CCDC138: variants seen among roughly 807,000 people sequenced by gnomAD.
The protein encoded by CCDC138 is coiled-coil domain containing 138.
A neutral mutation model predicts 82.3 loss-of-function variants in CCDC138; 66 were observed. The observed-to-expected ratio is 0.80, with a 90% CI of 0.66 to 0.98. The LOEUF is 0.98. Among genes scored for constraint, CCDC138 ranks in the 50% least tolerant of loss-of-function variants. CCDC138 has a pLI of 0.00. For missense variants in CCDC138, 816 were observed against 758.9 expected, an observed-to-expected ratio of 1.08 and a Z score of -0.88; for synonymous variants, 297 against 265.4, an observed-to-expected ratio of 1.12 and a Z score of -1.16.
At chr2:108,835,161 A>G (rs1045410676) in intron 10 of CCDC138, among the ~76,000 whole-genome samples, 3 of 152,210 alleles carry the variant, frequency 2.0e-5, no homozygotes, top group Admixed American at 6.5e-5. Context: ...GCAGCTTAAC[A>G]TTATGATTCA....
chr2:108,873,346 TA>T, intron 13 of CCDC138, 104 bp from the exon 14 acceptor site: 1 of 1,061,342 alleles, frequency 9.4e-7, no homozygotes, highest in Non-Finnish European at 1.3e-6. Flanking sequence ...AATGAAAATC[TA>T]AATGAATATT....
chr2:108,817,449 C>T (rs553523178), intron 10 of CCDC138, among the ~76,000 whole-genome samples: 5 of 152,104 alleles, frequency 3.3e-5, no homozygotes, highest in South Asian at 2.1e-4. Flanking sequence ...TGTGCCACCA[C>T]GCCCAGCTAA....
chr2:108,854,026 ATATTATATATAATATATAATAAAT>A (rs1692161155), intron 12 of CCDC138, among the ~76,000 whole-genome samples: 1 of 108,176 alleles, frequency 9.2e-6, no homozygotes, highest in Admixed American at 1.3e-4. Context: ...TAATAAATTT[ATATTATATATAATATATAATAAAT>A]TTATATTATA....
At chr2:108,837,686 CATA>C (rs1688800528) in intron 10 of CCDC138, among the ~76,000 whole-genome samples, 1 of 152,160 alleles carries the variant, frequency 6.6e-6, no homozygotes, top group Non-Finnish European at 1.5e-5. Context: ...ATGTAGAGTA[CATA>C]ATACTTGATC....
intron 10 of CCDC138, among the ~76,000 whole-genome samples, chr2:108,832,306 C>T (rs903263040): frequency 2.7e-5 from 4 of 150,352 alleles, no homozygotes; most frequent in South Asian, 2.1e-4. Context: ...AGATTACAGG[C>T]GTGACCCACC....
intron 10 of CCDC138, among the ~76,000 whole-genome samples, chr2:108,832,032 T>C (rs1217295973): frequency 6.6e-6 from 1 of 150,474 alleles, no homozygotes; most frequent in Non-Finnish European, 1.5e-5. Context: ...CACGCACAGC[T>C]TTTTTTCTCT....
At chr2:108,847,128 C>T (rs531101579) in intron 12 of CCDC138, among the ~76,000 whole-genome samples, 198 bp downstream of exon 12, 88 of 152,300 alleles carry the variant, frequency 5.8e-4, no homozygotes, top group African/African-American at 2.0e-3. Flanking sequence ...TTCTTGCCTC[C>T]TCCCAAGAGG....
At position 108,813,044 on chromosome 2, in the gene CCDC138, T is replaced by C. The variant is rs1684156698; in HGVS notation, c.1041+117T>C. 3 of 735,162 alleles carry C rather than the reference T, an allele frequency of 4.1e-6. No individual in the cohort carries two copies. In the East Asian group the frequency reaches 8.8e-5, roughly 22 times the overall value. The allele number at this position is 735,162 out of a possible 1,614,324, so 45.5% of individuals were successfully genotyped here. A position where few individuals can be genotyped will look rare whatever the true frequency, so the allele number is the denominator to read the frequency against. The stretch of plus-strand genomic sequence containing the variant: ...ATGGGCGGATCACGATGTCAGGAGA[T>C]CGAGACCATCCTGGCCAACATGGTG... On this transcript the variant is annotated intron_variant, in intron 9 of 14. Coordinates refer to ENST00000295124, the MANE Select transcript of CCDC138 (RefSeq NM_144978.3).
In CCDC138 at chr2:108,839,308, G is replaced by A; in HGVS notation, c.1323+7G>A. 1 of 1,603,092 alleles carries A rather than the reference G, an allele frequency of 6.2e-7. No individual in the cohort carries two copies. Among genetic ancestry groups the A allele is most frequent in the Non-Finnish European group, 8.5e-7 (1 of 1,175,120 alleles). The stretch of plus-strand genomic sequence containing the variant: ...GCTAGATGCTGGAGCACAGGTAATT[G>A]GTTAATAGGAATTTATCTATAAGTA... On this transcript the variant is annotated splice_region_variant and intron_variant, in intron 11 of 14. Transcript: ENST00000295124.
downstream of CCDC138, among the ~76,000 whole-genome samples, chr2:108,877,854 C>T (rs140084139): frequency 6.6e-6 from 1 of 152,256 alleles, no homozygotes; most frequent in East Asian, 1.9e-4. Context: ...TGGTAAGTTA[C>T]AAGGATAAAA....
chr2:108,810,841 T>C (rs192781816), intron 7 of CCDC138, among the ~76,000 whole-genome samples: 117 of 152,362 alleles, frequency 7.7e-4, no homozygotes, highest in South Asian at 1.4e-3. Context: ...GGAAACTTTT[T>C]ACTACAATTC....
chr2:108,869,976 G>A (rs1475859399), intron 13 of CCDC138, among the ~76,000 whole-genome samples: 1 of 152,112 alleles, frequency 6.6e-6, no homozygotes, highest in African/African-American at 2.4e-5. Context: ...CAAATTAATT[G>A]GATTTGCTCA....
rs1386675401 is a variant in CCDC138 at position 108,876,257 on chromosome 2, G to C, written c.*4G>C. The C allele has an allele frequency of 2.6e-6, 4 of 1,558,772 alleles. No individual in the cohort carries two copies. The highest frequency in any genetic ancestry group is 4.5e-5 in the East Asian group (2 of 44,324). ...GGTCTCCAGTGCAAGCCCTTAGACTGGCTAATTTTTTAATATAGTATATGT... is the reference window on the plus strand; with the variant it reads ...GGTCTCCAGTGCAAGCCCTTAGACTCGCTAATTTTTTAATATAGTATATGT... On this transcript the variant is annotated 3_prime_UTR_variant, in exon 15 of 15. Coordinates refer to ENST00000295124, the MANE Select transcript of CCDC138 (RefSeq NM_144978.3).
chr2:108,828,367 G>C (rs1466429051), intron 10 of CCDC138, among the ~76,000 whole-genome samples: 1 of 152,116 alleles, frequency 6.6e-6, no homozygotes, highest in Non-Finnish European at 1.5e-5. Context: ...TCCTAAAATT[G>C]ATATGGAATC....
chr2:108,850,060 G>A (rs1279704823), intron 12 of CCDC138, among the ~76,000 whole-genome samples: 1 of 152,212 alleles, frequency 6.6e-6, no homozygotes, highest in Admixed American at 6.5e-5. Flanking sequence ...AGGAAGAAAT[G>A]TCAGAGCCAG....
intron 10 of CCDC138, among the ~76,000 whole-genome samples, chr2:108,829,370 AG>A (rs1687154387): frequency 6.6e-6 from 1 of 152,230 alleles, no homozygotes; most frequent in Non-Finnish European, 1.5e-5. Flanking sequence ...ATGGCCCCTA[AG>A]CTCATAAAAA....
At chr2:108,881,014 T>G (rs572268123), downstream of CCDC138, among the ~76,000 whole-genome samples, 1 of 152,346 alleles carries the variant, frequency 6.6e-6, no homozygotes, top group East Asian at 1.9e-4. Context: ...CGAATGACTT[T>G]GAGGGGTTTA....
chr2:108,810,172 G>T (rs1683555146), intron 7 of CCDC138, among the ~76,000 whole-genome samples: 1 of 152,110 alleles, frequency 6.6e-6, no homozygotes, highest in Non-Finnish European at 1.5e-5. Context: ...AGTACTTCTA[G>T]TACCATGTTC....
intron 3 of CCDC138, among the ~76,000 whole-genome samples, chr2:108,790,952 G>C (rs899220977): frequency 3.3e-5 from 5 of 151,902 alleles, no homozygotes; most frequent in Admixed American, 3.3e-4. Context: ...TGTAGAGACA[G>C]AGTCTCACTG....
Sources: allele counts gnomAD v4.1 joint callset (sites outside exome capture counted in the v4.1 genomes callset), GRCh38; gene constraint gnomAD v4.1.1; transcripts MANE v1.5; gene names NCBI Gene and HGNC (gene_info 2026-07-23, HGNC 2026-07-21).